TRIM5: variants seen among roughly 807,000 people sequenced by gnomAD.
The protein encoded by TRIM5 is tripartite motif containing 5, also known as tripartite motif-containing protein 5.
A neutral mutation model predicts 35.6 loss-of-function variants in TRIM5; 31 were observed. The observed-to-expected ratio is 0.87, with a 90% CI of 0.65 to 1.18. The LOEUF is 1.18. TRIM5 is among the 50% of genes most tolerant of loss of function. The pLI is 0.00. For missense variants in TRIM5, 609 were observed against 591.6 expected, an observed-to-expected ratio of 1.03 and a Z score of -0.31; for synonymous variants, 243 against 215.6, an observed-to-expected ratio of 1.13 and a Z score of -1.11.
downstream of TRIM5, chr11:5,663,125 AAAACAAACAAACAAACAAAC>A (rs71053290): frequency 7.8e-6 from 4 of 513,624 alleles, no homozygotes; most frequent in Non-Finnish European, 1.0e-5. Flanking sequence ...ACCCTGTCTC[AAAACAAACAAACAAACAAAC>A]AAACAAACAA....
the TRIM5 span, among the ~76,000 whole-genome samples, chr11:5,602,162 C>T: frequency 1.3e-5 from 2 of 152,156 alleles, no homozygotes; most frequent in Admixed American, 1.3e-4. Context: ...TAAAATAGAC[C>T]GGGTGCAGTG....
the TRIM5 span, chr11:5,603,390 G>A: frequency 6.2e-7 from 1 of 1,613,296 alleles, no homozygotes; most frequent in Non-Finnish European, 8.5e-7. Context: ...CAGAACCCCT[G>A]AGCATAGACT....
the TRIM5 span, chr11:5,605,628 C>T: frequency 0.016 from 24,849 of 1,520,782 alleles, 235 homozygotes; most frequent in Non-Finnish European, 0.019. Flanking sequence ...AACTTTCCTT[C>T]CTTTCTGGGA....
chr11:5,648,749 G>T, the TRIM5 span, among the ~76,000 whole-genome samples: 3 of 152,100 alleles, frequency 2.0e-5, no homozygotes, highest in Admixed American at 2.0e-4. Context: ...CTGCAGATGG[G>T]ACGTGTTTAT....
the TRIM5 span, among the ~76,000 whole-genome samples, chr11:5,644,780 G>A: frequency 6.6e-6 from 1 of 152,078 alleles, no homozygotes; most frequent in South Asian, 2.1e-4. Flanking sequence ...GAAATAGTTG[G>A]GATTTTTGTC....
In TRIM5 at chr11:5,664,312, TC is replaced by T. The variant is rs1850966182; in HGVS notation, c.*496del. ...TGGAGAGACAGGAGTTGAACTGAGATCCTCTAGATACAAAACCTCTATACTT... is the reference window on the plus strand; with the variant it reads ...TGGAGAGACAGGAGTTGAACTGAGATCTCTAGATACAAAACCTCTATACTT... On this transcript the variant is annotated 3_prime_UTR_variant, in exon 8 of 8. Transcript: ENST00000380034. 8.1e-6 allele frequency: 8 copies of T among 986,204 alleles called. No individual in the cohort carries two copies. Among genetic ancestry groups the T allele is most frequent in the Non-Finnish European group, 9.6e-6 (8 of 830,634 alleles). 61.1% of individuals were successfully genotyped at this position (986,204 alleles called of 1,614,324 possible).
chr11:5,596,056 T>TGCGG, the TRIM5 span: 1 of 152,370 alleles, frequency 6.6e-6, no homozygotes, highest in East Asian at 1.9e-4. Context: ...CTGGATCTCC[T>TGCGG]GCGGGGCTGG....
chr11:5,633,005 T>C, the TRIM5 span, among the ~76,000 whole-genome samples: 2 of 148,686 alleles, frequency 1.3e-5, no homozygotes, highest in African/African-American at 4.9e-5. Context: ...TTTTTTTTTT[T>C]TTTTTTGGAT....
chr11:5,673,163 G>A (rs933709674), intron 4 of TRIM5, among the ~76,000 whole-genome samples: 3 of 152,052 alleles, frequency 2.0e-5, no homozygotes, highest in African/African-American at 4.8e-5. Context: ...AAGAAGATTC[G>A]GTTATCACTA....
chr11:5,605,493 C>G, the TRIM5 span: 1 of 1,614,148 alleles, frequency 6.2e-7, no homozygotes, highest in African/African-American at 1.3e-5. Context: ...TCTGGTCCAC[C>G]AGACCCAGTC....
chr11:5,592,831 C>G, the TRIM5 span, among the ~76,000 whole-genome samples: 1 of 147,468 alleles, frequency 6.8e-6, no homozygotes, highest in African/African-American at 2.5e-5. Context: ...GTGGGAAGAT[C>G]ACTTGAGCCC....
At chr11:5,658,419 C>T (rs115933377), downstream of TRIM5, among the ~76,000 whole-genome samples, 1,296 of 152,280 alleles carry the variant, frequency 8.5e-3, 10 homozygotes, top group African/African-American at 0.026. Flanking sequence ...TCCAAGCCCA[C>T]GTGTGATCCA....
Position 5,678,873 on chromosome 11 carries a change from C to A in TRIM5, c.513+201G>T, listed in dbSNP as rs141700114. Among the ~76,000 whole-genome samples the A allele has an allele frequency of 4.4e-3, 668 of 152,320 alleles. 10 individuals carry two copies. Among genetic ancestry groups the A allele is most frequent in the African/African-American group, 0.016 (649 of 41,570 alleles). On this transcript the variant is annotated intron_variant, in intron 3 of 7. Coordinates refer to ENST00000380034, the MANE Select transcript of TRIM5 (RefSeq NM_033034.3). ...ACTAGCCATCCTCACCAGAGAGATC[C>A]TTCATGTAAAGAGCTCCCTACTGTG... is the stretch of plus-strand genomic sequence containing the variant.
At chr11:5,672,431 G>A (rs2134068523) in intron 4 of TRIM5, among the ~76,000 whole-genome samples, 1 of 152,120 alleles carries the variant, frequency 6.6e-6, no homozygotes, top group East Asian at 1.9e-4. Context: ...AGCTGGTCTT[G>A]AACTCCTGAT....
chr11:5,678,358 C>G lies in TRIM5; in HGVS notation c.590G>C (p.Ser197Thr), dbSNP rs1441918248. 6.2e-7 allele frequency: 1 copy of G among 1,613,066 alleles called. No homozygotes were observed. Among genetic ancestry groups the G allele is most frequent in the Non-Finnish European group, 8.5e-7 (1 of 1,179,236 alleles). Residue 197 changes from serine to threonine, a missense_variant, in exon 4 of 8, where the codon AGC becomes ACC. By Grantham distance (58) the Ser-to-Thr change is moderately conservative (BLOSUM62 1). Coordinates refer to ENST00000380034, the MANE Select transcript of TRIM5 (RefSeq NM_033034.3). ...QLRDILDWEE[S>T]NELQNLEKEE... ...CTTCTCCAGGTTTTGCAGCTCATTG[C>G]TCTCCTCCCAGTCCAGGATGTCTCT...
the TRIM5 span, chr11:5,604,396 T>C: frequency 3.5e-6 from 3 of 853,970 alleles, no homozygotes; most frequent in Admixed American, 5.3e-5. Context: ...AAAGATTTGT[T>C]GGCCCTCTCA....
chr11:5,610,982 G>A, the TRIM5 span: 1,175,966 of 1,613,820 alleles, frequency 0.73, 433,720 homozygotes, highest in East Asian at 1. Flanking sequence ...CCTGGATCCT[G>A]GGGGTATGCA....
chr11:5,615,084 A>G, the TRIM5 span, among the ~76,000 whole-genome samples: 1 of 152,116 alleles, frequency 6.6e-6, no homozygotes, highest in Non-Finnish European at 1.5e-5. Context: ...GGATGTTCAT[A>G]TATCTTTTTG....
At chr11:5,640,906 CATTAAG>C in the TRIM5 span, among the ~76,000 whole-genome samples, 1 of 148,338 alleles carries the variant, frequency 6.7e-6, no homozygotes, top group African/African-American at 2.5e-5. Context: ...TTGTCTGTTT[CATTAAG>C]ATTATCTAAT....
Sources: gnomAD v4.1 joint callset for allele counts (sites outside exome capture counted in the v4.1 genomes callset) on GRCh38, gnomAD v4.1.1 for gene constraint, MANE v1.5 for transcripts, NCBI Gene and HGNC (gene_info 2026-07-23, HGNC 2026-07-21) for gene names.